PAK4: variants seen among roughly 807,000 people sequenced by gnomAD.
PAK4 encodes serine/threonine-protein kinase PAK 4.
In PAK4, 49 loss-of-function variants were observed where a neutral mutation model predicts 53.5. The observed-to-expected ratio is 0.92, with a 90% CI of 0.73 to 1.16. The LOEUF (loss-of-function observed/expected upper bound fraction) is 1.16. Ranked by LOEUF, PAK4 falls within the 50% of genes most tolerant of loss-of-function variation. The pLI is 0.00. For missense variants in PAK4, 824 were observed against 850.7 expected, an observed-to-expected ratio of 0.97 and a Z score of 0.39; for synonymous variants, 376 against 375.6, an observed-to-expected ratio of 1.00 and a Z score of -0.01.
chr19:39,174,749 G>C (rs1293944662), intron 4 of PAK4, among the ~76,000 whole-genome samples, 182 bp from the exon 6 acceptor site: 1 of 152,186 alleles, frequency 6.6e-6, no homozygotes, highest in African/African-American at 2.4e-5. Flanking sequence ...GAAGGGAGGC[G>C]TGGGCTTCAA....
At chr19:39,166,003 G>C (rs893376163) in intron 1 of PAK4, among the ~76,000 whole-genome samples, 1 of 152,172 alleles carries the variant, frequency 6.6e-6, no homozygotes, top group African/African-American at 2.4e-5. Flanking sequence ...CTGGAAGAGG[G>C]CTGGTATACA....
intron 1 of PAK4, among the ~76,000 whole-genome samples, chr19:39,150,239 A>T (rs2074072098): frequency 6.6e-6 from 1 of 151,592 alleles, no homozygotes; most frequent in Non-Finnish European, 1.5e-5. Context: ...TGGGAGAGGG[A>T]TTCCTCTGGC....
downstream of PAK4, chr19:39,181,394 C>G (rs898568387): frequency 6.6e-6 from 1 of 152,224 alleles, no homozygotes; most frequent in Non-Finnish European, 1.5e-5. Flanking sequence ...GATTTGGTAC[C>G]GGTGGTTGGA....
At chr19:39,167,960 C>G (rs2144809890) in intron 1 of PAK4, 1 of 152,558 alleles carries the variant, frequency 6.6e-6, no homozygotes, top group East Asian at 1.9e-4. Context: ...CCCCTCGTCC[C>G]CTGGTCTCAA....
At chr19:39,141,561 C>T (rs2073909985) in intron 1 of PAK4, among the ~76,000 whole-genome samples, 1 of 152,136 alleles carries the variant, frequency 6.6e-6, no homozygotes, top group Admixed American at 6.5e-5. Flanking sequence ...AGTGATATAA[C>T]CATCTCAGCC....
chr19:39,148,466 C>CTGTTTTTTTTTTT (rs2074039610), intron 1 of PAK4, among the ~76,000 whole-genome samples: 1 of 56,798 alleles, frequency 1.8e-5, no homozygotes. Flanking sequence ...GTTTCTTCTG[C>CTGTTTTTTTTTTT]TTTTTTTTTT....
At chr19:39,158,116 TGTGA>T (rs1367724692) in intron 1 of PAK4, among the ~76,000 whole-genome samples, 2 of 150,446 alleles carry the variant, frequency 1.3e-5, no homozygotes, top group East Asian at 3.9e-4. Flanking sequence ...GTGAGCATTG[TGTGA>T]GTGCGTGCGT....
intron 1 of PAK4, among the ~76,000 whole-genome samples, chr19:39,129,160 C>T (rs965767753): frequency 6.6e-6 from 1 of 152,156 alleles, no homozygotes; most frequent in African/African-American, 2.4e-5. Flanking sequence ...CCTCCCACCT[C>T]AGCCTCTGGA....
Position 39,173,139 on chromosome 19 carries a change from C to T in PAK4, c.426C>T (p.Ser142=), listed in dbSNP as rs1432908413. The change falls in exon 3 of 9, where the codon AGC becomes AGT. Residue 142 remains serine (S), a synonymous_variant. Transcript: ENST00000358301. This position sits in a 1 kb window ranked among gnomAD's most constrained non-coding sequence, Gnocchi z 6.9. ...GCCGAGGCCGGTTCGCCGGTCACAG[C>T]GAGGCGGGTGGCGGCAGTGGTGACA... The T allele has an allele frequency of 2.1e-5, 32 of 1,543,858 alleles. No individual in the cohort carries two copies. Among genetic ancestry groups the T allele is most frequent in the Middle Eastern group, 3.7e-4 (2 of 5,352 alleles).
At chr19:39,144,672 G>A (rs577749183) in intron 1 of PAK4, among the ~76,000 whole-genome samples, 6 of 152,304 alleles carry the variant, frequency 3.9e-5, no homozygotes, top group East Asian at 1.9e-4. Flanking sequence ...GCTGCTTCCC[G>A]GCCTTTGTCT....
rs372441620 is a variant in PAK4, at chr19:39,177,826, C to G, written c.1620+17C>G. On this transcript the variant is annotated intron_variant, in intron 8 of 8. Transcript: ENST00000358301. ...CTGCACAAGGTAGGCCCCTCCCTGGCTGGGAAACTGTGCGCCAGCTGGCGG... is the reference window on the plus strand; with the variant it reads ...CTGCACAAGGTAGGCCCCTCCCTGGGTGGGAAACTGTGCGCCAGCTGGCGG... 9.1e-5 allele frequency: 146 copies of G among 1,596,668 alleles called. 1 individual carries two copies. The South Asian group carries it at 1.4e-3, about 15-fold the overall frequency.
chr19:39,175,548 G>A lies in PAK4; in HGVS notation c.1359+110G>A. 1 of 1,201,310 alleles carries A rather than the reference G, an allele frequency of 8.3e-7. No homozygotes were observed. The highest frequency in any genetic ancestry group is 1.2e-6 in the Non-Finnish European group (1 of 861,376). 74.4% of individuals were successfully genotyped at this position (1,201,310 alleles called of 1,614,324 possible). On this transcript the variant is annotated intron_variant, in intron 6 of 8. Transcript: ENST00000358301. The surrounding 1 kb of genome is among the most constrained non-coding windows in gnomAD (Gnocchi z 4.7). Reference sequence around the variant, plus strand: ...GGTGAGCTCTGACCCCCAGGTCTGTGTCTTGAGGAGCTGGGAACTTCGTCC... The same window carrying A: ...GGTGAGCTCTGACCCCCAGGTCTGTATCTTGAGGAGCTGGGAACTTCGTCC...
At chr19:39,181,082 G>GTTTTGTT (rs1007680458), downstream of PAK4, 60 of 144,768 alleles carry the variant, frequency 4.1e-4, no homozygotes, top group African/African-American at 1.3e-3. Flanking sequence ...GGTTTGTTTT[G>GTTTTGTT]TTTTGTTTTG....
chr19:39,176,915 C>T (rs1276816673), intron 7 of PAK4, among the ~76,000 whole-genome samples, 200 bp downstream of exon 8: 2 of 151,956 alleles, frequency 1.3e-5, no homozygotes, highest in African/African-American at 4.8e-5. Context: ...GTTGCCCAGG[C>T]TGGAGTGCAG....
intron 1 of PAK4, among the ~76,000 whole-genome samples, chr19:39,145,697 G>C (rs1255528180): frequency 6.6e-6 from 1 of 152,210 alleles, no homozygotes; most frequent in Non-Finnish European, 1.5e-5. Flanking sequence ...CCTGGGGCCT[G>C]TGTGCACCAC....
At chr19:39,135,139 C>T (rs2145118803) in intron 1 of PAK4, 1 of 152,136 alleles carries the variant, frequency 6.6e-6, no homozygotes, top group South Asian at 2.1e-4. Flanking sequence ...GTTGCTCCAC[C>T]TCCTCACCAA....
chr19:39,158,628 G>T (rs898068814), intron 1 of PAK4, among the ~76,000 whole-genome samples: 8 of 152,218 alleles, frequency 5.3e-5, no homozygotes, highest in African/African-American at 1.9e-4. Context: ...CCAGATTCGG[G>T]GCAGGAGGGC....
At chr19:39,162,414 CCT>C (rs1044322158) in intron 1 of PAK4, among the ~76,000 whole-genome samples, 9 of 152,228 alleles carry the variant, frequency 5.9e-5, no homozygotes, top group Non-Finnish European at 1.5e-5. Flanking sequence ...CACCACCACA[CCT>C]GGCTAAATTT....
At chr19:39,141,704 G>A (rs1208277251) in intron 1 of PAK4, among the ~76,000 whole-genome samples, 1 of 151,076 alleles carries the variant, frequency 6.6e-6, no homozygotes, top group Non-Finnish European at 1.5e-5. Flanking sequence ...GCACGATCTC[G>A]GCTCACTGCA....
Sources: gnomAD v4.1 joint callset for allele counts (sites outside exome capture counted in the v4.1 genomes callset) on GRCh38, gnomAD v4.1.1 for gene constraint, Gnocchi (gnomAD v3.1) non-coding constraint, MANE v1.5 for transcripts, NCBI Gene and HGNC (gene_info 2026-07-23, HGNC 2026-07-21) for gene names.